The following CCDC178 variants were observed in gnomAD, a reference collection of about 807,000 sequenced individuals.
CCDC178 encodes the protein coiled-coil domain containing 178.
A neutral mutation model predicts 117.4 loss-of-function variants in CCDC178; 126 were observed. That is an observed-to-expected ratio of 1.07 (90% CI 0.93 to 1.24). The LOEUF (loss-of-function observed/expected upper bound fraction) is 1.24. Among genes scored for constraint, CCDC178 ranks in the 50% most tolerant of loss-of-function variants. CCDC178 has a pLI of 0.00. For missense variants in CCDC178, 1,030 were observed against 986.9 expected, an observed-to-expected ratio of 1.04 and a Z score of -0.59; for synonymous variants, 283 against 313.4, an observed-to-expected ratio of 0.90 and a Z score of 1.02.
intron 20 of CCDC178, among the ~76,000 whole-genome samples, chr18:33,156,281 G>A (rs527242918): frequency 6.6e-4 from 100 of 151,576 alleles, no homozygotes; most frequent in Non-Finnish European, 1.0e-3. Context: ...GTGGAGTTGA[G>A]ATTTCACAAT....
At chr18:33,080,753 T>C (rs1451580610) in intron 21 of CCDC178, among the ~76,000 whole-genome samples, 1 of 152,142 alleles carries the variant, frequency 6.6e-6, no homozygotes, top group Non-Finnish European at 1.5e-5. Context: ...TAAATAATAA[T>C]AGAACAAAAA....
chr18:33,329,648 G>A (rs2062636337), intron 10 of CCDC178, among the ~76,000 whole-genome samples: 1 of 152,002 alleles, frequency 6.6e-6, no homozygotes. Context: ...AATGCCATTT[G>A]TTCATGATGT....
chr18:33,112,838 G>C (rs577989023), intron 20 of CCDC178, among the ~76,000 whole-genome samples: 1 of 151,756 alleles, frequency 6.6e-6, no homozygotes, highest in Non-Finnish European at 1.5e-5. Flanking sequence ...AGATGATGGG[G>C]GAATTCCTGC....
chr18:33,323,679 T>C (rs2062547817), intron 10 of CCDC178, 46 bp from the exon 11 acceptor site: 4 of 1,181,988 alleles, frequency 3.4e-6, no homozygotes, highest in African/African-American at 3.2e-5. Context: ...TAATGGTTAA[T>C]TAAAAATAAT....
At chr18:33,023,288 T>A (rs1368652698) in intron 21 of CCDC178, among the ~76,000 whole-genome samples, 1 of 152,088 alleles carries the variant, frequency 6.6e-6, no homozygotes, top group Non-Finnish European at 1.5e-5. Flanking sequence ...ACACATGTGT[T>A]TAAGTACCCA....
chr18:32,965,559 C>A (rs2144671430), intron 22 of CCDC178, among the ~76,000 whole-genome samples: 1 of 151,900 alleles, frequency 6.6e-6, no homozygotes, highest in African/African-American at 2.4e-5. Flanking sequence ...ATTTACATTG[C>A]CTTCAATTTT....
Position 33,245,379 on chromosome 18 carries a change from T to G in CCDC178, c.1459A>C (p.Met487Leu), listed in dbSNP as rs867295016. ...YESEIKYLTIMKLKNDKHLKN... is the reference protein window; with the variant it reads ...YESEIKYLTILKLKNDKHLKN... ...AGATGTTTATCATTCTTTAACTTCA[T>G]TATTGTCAAATATTTTATTTCAGAT... Residue 487 changes from methionine (M) to leucine (L), a missense_variant, in exon 15 of 23, where the codon ATG (methionine) becomes CTG (leucine). Physicochemically the swap from Met to Leu is conservative, Grantham distance 15 (BLOSUM62 2). Transcript: ENST00000383096. 4 of 1,592,150 alleles carry G rather than the reference T, an allele frequency of 2.5e-6. No individual in the cohort carries two copies. The highest frequency in any genetic ancestry group is 3.4e-6 in the Non-Finnish European group (4 of 1,171,672).
chr18:33,334,545 A>T (rs1463256163), intron 9 of CCDC178, among the ~76,000 whole-genome samples: 1 of 152,022 alleles, frequency 6.6e-6, no homozygotes, highest in Non-Finnish European at 1.5e-5. Context: ...TAGATGGGCT[A>T]GTTTATTTTC....
intron 22 of CCDC178, among the ~76,000 whole-genome samples, chr18:32,945,803 T>C (rs1276320388): frequency 6.6e-6 from 1 of 152,180 alleles, no homozygotes; most frequent in Non-Finnish European, 1.5e-5. Context: ...CTATAACTTC[T>C]TTTATATTTT....
chr18:33,144,712 A>G (rs1235614344), intron 20 of CCDC178, among the ~76,000 whole-genome samples: 1 of 152,184 alleles, frequency 6.6e-6, no homozygotes, highest in African/African-American at 2.4e-5. Flanking sequence ...TCAAGAAAAA[A>G]TCAAATCTAA....
intron 20 of CCDC178, among the ~76,000 whole-genome samples, chr18:33,094,458 G>T (rs2057513187): frequency 6.6e-6 from 1 of 151,752 alleles, no homozygotes; most frequent in African/African-American, 2.4e-5. Flanking sequence ...AAAGGAATAG[G>T]CATCATTTTG....
chr18:33,213,900 C>T (rs1338491835), intron 19 of CCDC178, among the ~76,000 whole-genome samples: 1 of 152,208 alleles, frequency 6.6e-6, no homozygotes, highest in Admixed American at 6.6e-5. Context: ...CTTGAAGATA[C>T]ACTTTCCCAC....
intron 11 of CCDC178, among the ~76,000 whole-genome samples, chr18:33,296,131 A>T (rs894810312): frequency 1.3e-5 from 2 of 152,178 alleles, no homozygotes; most frequent in African/African-American, 4.8e-5. Context: ...AATACCTTCA[A>T]CAACCCAGAT....
Position 32,992,963 on chromosome 18 carries a change from C to T in CCDC178, c.2389-18282G>A, listed in dbSNP as rs1322019369. 5.3e-5 allele frequency among the ~76,000 whole-genome samples: 8 copies of T among 152,096 alleles called. No homozygotes were observed. In the East Asian group the frequency reaches 7.7e-4, roughly 15 times the overall value. ...GGCACCTCACCTGAGGTCAGGAGTT[C>T]GAGACCAGCCTGGCCAACATGGTGA... is the stretch of plus-strand genomic sequence containing the variant. On this transcript the variant is annotated intron_variant, in intron 21 of 22. Transcript: ENST00000383096.
At chr18:33,096,523 TAC>T (rs1223015104) in intron 20 of CCDC178, among the ~76,000 whole-genome samples, 4 of 151,804 alleles carry the variant, frequency 2.6e-5, no homozygotes, top group African/African-American at 9.7e-5. Context: ...AACTGAGACT[TAC>T]ACAGTCACCT....
chr18:33,127,833 C>G (rs1335613301), intron 20 of CCDC178, among the ~76,000 whole-genome samples: 1 of 152,028 alleles, frequency 6.6e-6, no homozygotes, highest in Non-Finnish European at 1.5e-5. Context: ...CTCAAACAAC[C>G]CTATCTGCTT....
chr18:33,256,391 G>A (rs186211590), intron 14 of CCDC178, among the ~76,000 whole-genome samples: 2 of 152,132 alleles, frequency 1.3e-5, no homozygotes, highest in East Asian at 1.9e-4. Flanking sequence ...AGCACAGATG[G>A]ACACCTTAGT....
intron 21 of CCDC178, among the ~76,000 whole-genome samples, chr18:33,060,096 G>A (rs2056898517): frequency 6.6e-6 from 1 of 151,966 alleles, no homozygotes; most frequent in Non-Finnish European, 1.5e-5. Flanking sequence ...CTCAGTATAG[G>A]TATCTACTTT....
At position 32,983,389 on chromosome 18, in the gene CCDC178, C is replaced by A. The variant is rs77414735; in HGVS notation, c.2389-8708G>T. 493 of 1,296,242 alleles carry A rather than the reference C, an allele frequency of 3.8e-4. 2 individuals carry two copies. In the East Asian group the frequency reaches 8.5e-3, roughly 22 times the overall value. 80.3% of individuals were successfully genotyped at this position (1,296,242 alleles called of 1,614,324 possible). A position where few individuals can be genotyped will look rare whatever the true frequency, so the allele number is the denominator to read the frequency against. ...AATATTACAAATATTACAAATGAAG[C>A]CATTTCAGAAGTCCGTATTTCCTAT... On this transcript the variant is annotated intron_variant, in intron 21 of 22. Coordinates refer to ENST00000383096, the MANE Select transcript of CCDC178 (RefSeq NM_001105528.4).
Sources: allele counts gnomAD v4.1 joint callset (sites outside exome capture counted in the v4.1 genomes callset), GRCh38; gene constraint gnomAD v4.1.1; transcripts MANE v1.5; gene names NCBI Gene and HGNC (gene_info 2026-07-23, HGNC 2026-07-21).